The following SIPA1L1 variants were observed in gnomAD, a reference collection of about 807,000 sequenced individuals.
The protein encoded by SIPA1L1 is signal induced proliferation associated 1 like 1, also known as signal-induced proliferation-associated 1-like protein 1.
SIPA1L1 carries 26 observed loss-of-function variants against 162.7 expected under a neutral mutation model. The ratio of observed to expected loss-of-function variants is 0.16; its 90% CI spans 0.12 to 0.22. The LOEUF is 0.22. SIPA1L1 is among the 10% of genes least tolerant of loss of function. SIPA1L1 has a pLI of 1.00. For synonymous variants in SIPA1L1, 829 were observed against 837.4 expected (o/e 0.99, Z 0.17); for missense variants, 1,874 against 2,241.0 (o/e 0.84, Z 3.31).
intron 2 of SIPA1L1, among the ~76,000 whole-genome samples, chr14:71,410,148 A>G (rs78877526): frequency 0.018 from 2,680 of 152,322 alleles, 31 homozygotes; most frequent in African/African-American, 0.026. Context: ...ATTGTATTCA[A>G]TGACAATACT....
At chr14:71,467,763 C>T (rs1033053679) in intron 2 of SIPA1L1, among the ~76,000 whole-genome samples, 4 of 151,518 alleles carry the variant, frequency 2.6e-5, no homozygotes, top group African/African-American at 7.3e-5. Context: ...TGCCTGTTAT[C>T]CTAGCCCTCT....
intron 2 of SIPA1L1, among the ~76,000 whole-genome samples, chr14:71,469,451 G>A (rs2047277212): frequency 2.0e-5 from 3 of 152,012 alleles, no homozygotes; most frequent in Admixed American, 2.0e-4. Context: ...CCTCCTAGAG[G>A]TCAAAAGCTT....
chr14:71,646,700 A>C (rs1168052773), intron 7 of SIPA1L1, among the ~76,000 whole-genome samples: 1 of 152,186 alleles, frequency 6.6e-6, no homozygotes, highest in African/African-American at 2.4e-5. Context: ...CACTTCCCTC[A>C]GTGCTTCATA....
intron 4 of SIPA1L1, among the ~76,000 whole-genome samples, chr14:71,557,200 C>G (rs1335588468): frequency 6.6e-6 from 1 of 152,056 alleles, no homozygotes; most frequent in Non-Finnish European, 1.5e-5. Flanking sequence ...ATTCAGTCTG[C>G]GTTGTATTTA....
In SIPA1L1 at chr14:71,740,447, C is replaced by G. The variant is rs1408280634; in HGVS notation, c.*1286C>G. On this transcript the variant is annotated 3_prime_UTR_variant, in exon 24 of 24. Coordinates refer to ENST00000381232, the MANE Select transcript of SIPA1L1 (RefSeq NM_001386936.1). ...CATGGGGCTGGCCAGTGTTGACTGACCTGAGGAGACCCCTTTGTTTGTTGC... is the reference window on the plus strand; with the variant it reads ...CATGGGGCTGGCCAGTGTTGACTGAGCTGAGGAGACCCCTTTGTTTGTTGC... 6.6e-6 allele frequency: 1 copy of G among 152,212 alleles called. No homozygotes were observed. Among genetic ancestry groups the G allele is most frequent in the Non-Finnish European group, 1.5e-5 (1 of 68,060 alleles). The allele number at this position is 152,212 out of a possible 1,614,324, so 9.4% of individuals were successfully genotyped here. A position where few individuals can be genotyped will look rare whatever the true frequency, so the allele number is the denominator to read the frequency against.
intron 22 of SIPA1L1, among the ~76,000 whole-genome samples, chr14:71,736,756 C>T (rs893259530): frequency 2.0e-5 from 3 of 152,140 alleles, no homozygotes; most frequent in Non-Finnish European, 4.4e-5. Flanking sequence ...TGTGAGTGAG[C>T]CAAGACTGTT....
chr14:71,649,189 A>ATTT (rs576399247), intron 7 of SIPA1L1, among the ~76,000 whole-genome samples: 8 of 131,130 alleles, frequency 6.1e-5, no homozygotes, highest in African/African-American at 1.2e-4. Context: ...TCAAAGTCCA[A>ATTT]TTTTTTTTTT....
intron 5 of SIPA1L1, among the ~76,000 whole-genome samples, chr14:71,590,034 AAAAAAAAAAAATATATAT>A (rs1273527624): frequency 0.035 from 2,525 of 72,516 alleles, 82 homozygotes; most frequent in Admixed American, 0.15. Context: ...AAAAAAAAAA[AAAAAAAAAAAATATATAT>A]ATATATATAT....
chr14:71,579,555 C>T (rs537792334), intron 4 of SIPA1L1, among the ~76,000 whole-genome samples: 5 of 152,236 alleles, frequency 3.3e-5, no homozygotes, highest in South Asian at 2.1e-4. Flanking sequence ...TCAGAGATAA[C>T]GGTACAGTCA....
chr14:71,560,416 T>C (rs1183188953), intron 4 of SIPA1L1, among the ~76,000 whole-genome samples: 1 of 152,190 alleles, frequency 6.6e-6, no homozygotes, highest in Non-Finnish European at 1.5e-5. Context: ...ATAAGATGGC[T>C]GTTGCTCTTC....
At chr14:71,688,581 C>A (rs923381377) in intron 13 of SIPA1L1, among the ~76,000 whole-genome samples, 14 of 152,138 alleles carry the variant, frequency 9.2e-5, no homozygotes, top group African/African-American at 3.4e-4. Flanking sequence ...CTTAAAGCAT[C>A]CCCTTTGTAG....
At chr14:71,366,798 T>C (rs1302029773) in intron 2 of SIPA1L1, among the ~76,000 whole-genome samples, 1 of 152,220 alleles carries the variant, frequency 6.6e-6, no homozygotes, top group Non-Finnish European at 1.5e-5. Flanking sequence ...TACTGTAATT[T>C]CTAAAGCTTA....
At chr14:71,355,678 TCTC>T (rs1318721912) in intron 2 of SIPA1L1, among the ~76,000 whole-genome samples, 1 of 152,226 alleles carries the variant, frequency 6.6e-6, no homozygotes, top group African/African-American at 2.4e-5. Flanking sequence ...ACCATTTTCT[TCTC>T]CTTGCATGGC....
At chr14:71,533,087 C>T (rs1034400290) in intron 4 of SIPA1L1, among the ~76,000 whole-genome samples, 1 of 152,158 alleles carries the variant, frequency 6.6e-6, no homozygotes, top group Non-Finnish European at 1.5e-5. Flanking sequence ...TCTTCCCTTT[C>T]GAAAATGTTG....
intron 2 of SIPA1L1, among the ~76,000 whole-genome samples, chr14:71,479,572 T>A (rs559710016): frequency 6.6e-6 from 1 of 151,932 alleles, no homozygotes; most frequent in African/African-American, 2.4e-5. Context: ...ATTTATTTTT[T>A]ATTTTTTTTA....
At chr14:71,575,256 G>A (rs1015585251) in intron 4 of SIPA1L1, among the ~76,000 whole-genome samples, 1 of 151,996 alleles carries the variant, frequency 6.6e-6, no homozygotes, top group Non-Finnish European at 1.5e-5. Context: ...ACTGTCCCTT[G>A]CACTGGATCC....
intron 3 of SIPA1L1, among the ~76,000 whole-genome samples, chr14:71,527,812 C>T (rs1320780727): frequency 6.6e-6 from 1 of 152,114 alleles, no homozygotes; most frequent in African/African-American, 2.4e-5. Flanking sequence ...GTTTTTCAGT[C>T]CCTCTTAATT....
At chr14:71,453,959 A>G (rs562503565) in intron 2 of SIPA1L1, among the ~76,000 whole-genome samples, 1 of 130,280 alleles carries the variant, frequency 7.7e-6, no homozygotes, top group Admixed American at 9.8e-5. Context: ...GTGCGACTGC[A>G]CTCCCCTCCA....
intron 4 of SIPA1L1, among the ~76,000 whole-genome samples, chr14:71,544,009 A>ATG (rs753997291): frequency 7.4e-5 from 11 of 147,724 alleles, no homozygotes; most frequent in African/African-American, 1.0e-4. Flanking sequence ...ACGCACATGT[A>ATG]TATATACACA....
Sources: gnomAD v4.1 joint callset for allele counts (sites outside exome capture counted in the v4.1 genomes callset) on GRCh38, gnomAD v4.1.1 for gene constraint, MANE v1.5 for transcripts, NCBI Gene and HGNC (gene_info 2026-07-23, HGNC 2026-07-21) for gene names.